Variants in ERBIN observed in about 807,000 individuals in gnomAD.
ERBIN encodes the protein densin-180-like protein.
A neutral mutation model predicts 158.4 loss-of-function variants in ERBIN; 60 were observed. The observed-to-expected ratio is 0.38, with a 90% CI of 0.31 to 0.47. The LOEUF is 0.47. ERBIN is among the 20% of genes least tolerant of loss of function. The pLI is 0.99. For missense variants in ERBIN, 1,610 were observed against 1,648.0 expected (o/e 0.98, Z 0.40); for synonymous variants, 594 against 557.2 (o/e 1.07, Z -0.93).
At chr5:65,939,053 C>A (rs538831103) in intron 1 of ERBIN, among the ~76,000 whole-genome samples, 11 of 152,206 alleles carry the variant, frequency 7.2e-5, no homozygotes, top group Non-Finnish European at 1.6e-4. Context: ...ATAGAGCTGG[C>A]CCGCTTTATC....
chr5:66,041,987 T>G (rs1399559669), intron 15 of ERBIN, among the ~76,000 whole-genome samples: 1 of 152,034 alleles, frequency 6.6e-6, no homozygotes, highest in Non-Finnish European at 1.5e-5. Context: ...TCAAAGAATT[T>G]CATTCCCATT....
chr5:65,989,448 C>T (rs1041758617), intron 2 of ERBIN, among the ~76,000 whole-genome samples: 1 of 152,188 alleles, frequency 6.6e-6, no homozygotes, highest in Non-Finnish European at 1.5e-5. Flanking sequence ...TCTCTATTCA[C>T]AGAAAGTTTT....
At chr5:65,965,379 G>GTTTTTTTTTTTTTTTTTTTT (rs1561304820) in intron 1 of ERBIN, among the ~76,000 whole-genome samples, 3 of 103,650 alleles carry the variant, frequency 2.9e-5, no homozygotes, top group Admixed American at 2.4e-4. Flanking sequence ...TTTGTTTTTT[G>GTTTTTTTTTTTTTTTTTTTT]TTGTTTTTTT....
chr5:66,059,316 A>C (rs1194577679), intron 21 of ERBIN, among the ~76,000 whole-genome samples: 1 of 151,988 alleles, frequency 6.6e-6, no homozygotes, highest in Non-Finnish European at 1.5e-5. Flanking sequence ...ATGGGAGTTC[A>C]CTCATGATTT....
chr5:66,024,499 G>A lies in ERBIN; in HGVS notation c.817+49G>A, dbSNP rs776103196. ...GTAATTTTTATTAAAATAAATTCGA[G>A]ACTTCCACATAATCTCAAATTTCAC... is the stretch of plus-strand genomic sequence containing the variant. On this transcript the variant is annotated intron_variant, in intron 10 of 25. Coordinates refer to ENST00000284037, the MANE Select transcript of ERBIN (RefSeq NM_001253697.2). 4.6e-6 allele frequency: 7 copies of A among 1,522,586 alleles called. 1 individual carries two copies. In the South Asian group the frequency reaches 7.5e-5, roughly 16 times the overall value. The allele number at this position is 1,522,586 out of a possible 1,614,324, so 94.3% of individuals were successfully genotyped here. A position where few individuals can be genotyped will look rare whatever the true frequency, so the allele number is the denominator to read the frequency against.
At chr5:66,055,937 T>G (rs1759534589) in intron 21 of ERBIN, among the ~76,000 whole-genome samples, 1 of 152,172 alleles carries the variant, frequency 6.6e-6, no homozygotes, top group South Asian at 2.1e-4. Context: ...TAGGTAAATA[T>G]CCACAAGCAT....
intron 4 of ERBIN, among the ~76,000 whole-genome samples, chr5:66,006,000 C>T (rs1056007537): frequency 1.3e-5 from 2 of 152,096 alleles, no homozygotes; most frequent in South Asian, 2.1e-4. Flanking sequence ...AATACCATCC[C>T]CATCAAGCTA....
intron 1 of ERBIN, among the ~76,000 whole-genome samples, chr5:65,940,503 T>G (rs1194798276): frequency 2.5e-5 from 2 of 80,312 alleles, no homozygotes; most frequent in East Asian, 4.1e-4. Flanking sequence ...AGCCGCCCCG[T>G]CTGGGAGGGA....
intron 1 of ERBIN, among the ~76,000 whole-genome samples, chr5:65,960,609 G>C (rs1747797773): frequency 6.6e-6 from 1 of 152,188 alleles, no homozygotes; most frequent in African/African-American, 2.4e-5. Context: ...CTGATTAGAT[G>C]CTTTTGCCCT....
At chr5:66,076,588 T>C (rs1762005419) in intron 24 of ERBIN, 180 bp downstream of exon 24, 2 of 619,484 alleles carry the variant, frequency 3.2e-6, no homozygotes, top group Non-Finnish European at 5.6e-6. Flanking sequence ...TAAAACAATT[T>C]AACCAAAAAC....
rs1442646405 is a variant in ERBIN, at chr5:66,061,994, A to G, written c.3633+7043A>G. Among the ~76,000 whole-genome samples, 8 of 152,118 alleles carry G rather than the reference A, an allele frequency of 5.3e-5. 1 individual carries two copies. Among genetic ancestry groups the G allele is most frequent in the Admixed American group, 1.3e-4 (2 of 15,278 alleles). On this transcript the variant is annotated intron_variant, in intron 21 of 25. Coordinates refer to ENST00000284037, the MANE Select transcript of ERBIN (RefSeq NM_001253697.2). ...CCTTAACATTTTTTCCTTCATTTCA[A>G]CTTTGGTGAATCTGACAATTATGTG...
chr5:65,946,026 A>T (rs978782056), intron 1 of ERBIN, among the ~76,000 whole-genome samples: 2 of 152,044 alleles, frequency 1.3e-5, no homozygotes, highest in Non-Finnish European at 2.9e-5. Flanking sequence ...TCTCCCTCCT[A>T]TATTCCCTTT....
chr5:66,014,795 A>C, intron 7 of ERBIN, 70 bp downstream of exon 7: 2 of 711,916 alleles, frequency 2.8e-6, no homozygotes, highest in Non-Finnish European at 4.4e-6. Flanking sequence ...TAAAAATGTA[A>C]ATTTTTATTA....
At chr5:65,930,795 T>C (rs1281984713) in intron 1 of ERBIN, among the ~76,000 whole-genome samples, 1 of 152,262 alleles carries the variant, frequency 6.6e-6, no homozygotes, top group Non-Finnish European at 1.5e-5. Context: ...CTGTTCCTTC[T>C]TCTCTGTACC....
intron 1 of ERBIN, among the ~76,000 whole-genome samples, chr5:65,934,455 G>A (rs1655570735): frequency 6.6e-6 from 1 of 151,910 alleles, no homozygotes; most frequent in South Asian, 2.1e-4. Context: ...CACTTTTGAA[G>A]ATCTGAAGAT....
intron 1 of ERBIN, among the ~76,000 whole-genome samples, chr5:65,977,789 G>A (rs1022654763): frequency 2.6e-5 from 4 of 152,156 alleles, no homozygotes; most frequent in Non-Finnish European, 5.9e-5. Context: ...TCGGCACTTC[G>A]GGAGGCCAAG....
At chr5:66,035,090 T>G (rs550863835) in intron 14 of ERBIN, among the ~76,000 whole-genome samples, 7 of 152,302 alleles carry the variant, frequency 4.6e-5, no homozygotes, top group Admixed American at 3.9e-4. Context: ...CTCAGTCTCC[T>G]TTTCAGACAT....
chr5:66,035,328 C>T (rs10064052), intron 14 of ERBIN, among the ~76,000 whole-genome samples: 8,757 of 152,184 alleles, frequency 0.058, 881 homozygotes, highest in African/African-American at 0.2. Context: ...GAGTATACCA[C>T]GTTCTGCCCC....
At position 66,081,873 on chromosome 5, in the gene ERBIN, ATGAACAAG is replaced by A. The variant is rs1172970078; in HGVS notation, c.*3352_*3359del. 1 of 152,090 alleles carries A rather than the reference ATGAACAAG, an allele frequency of 6.6e-6. No homozygotes were observed. The highest frequency in any genetic ancestry group is 6.5e-5 in the Admixed American group (1 of 15,278). 9.4% of individuals were successfully genotyped at this position (152,090 alleles called of 1,614,324 possible). On this transcript the variant is annotated 3_prime_UTR_variant, in exon 26 of 26. Coordinates refer to ENST00000284037, the MANE Select transcript of ERBIN (RefSeq NM_001253697.2). ...AATTATGATTCAAGAGCATTAATTGATGAACAAGTGAACAAGATGCCTCTTTAAAAAAA... is the reference window on the plus strand; with the variant it reads ...AATTATGATTCAAGAGCATTAATTGATGAACAAGATGCCTCTTTAAAAAAA...
Sources: gnomAD v4.1 joint callset for allele counts (sites outside exome capture counted in the v4.1 genomes callset) on GRCh38, gnomAD v4.1.1 for gene constraint, MANE v1.5 for transcripts, NCBI Gene and HGNC (gene_info 2026-07-23, HGNC 2026-07-21) for gene names.